The following GALNT13 variants were observed in gnomAD, a reference collection of about 807,000 sequenced individuals.
GALNT13 encodes polypeptide N-acetylgalactosaminyltransferase 13, also known as UDP-GalNAc:polypeptide N-acetylgalactosaminyltransferase 13.
In GALNT13, 28 loss-of-function variants were observed where a neutral mutation model predicts 64.2. The ratio of observed to expected loss-of-function variants is 0.44; its 90% confidence interval spans 0.32 to 0.60. The LOEUF is 0.60. GALNT13 is among the 20% of genes least tolerant of loss of function. The pLI is 0.05. For synonymous variants in GALNT13, 214 were observed against 224.6 expected (o/e 0.95, Z 0.42); for missense variants, 577 against 669.8 (o/e 0.86, Z 1.53).
At chr2:153,442,554 C>T in the GALNT13 span, among the ~76,000 whole-genome samples, 7 of 152,038 alleles carry the variant, frequency 4.6e-5, no homozygotes, top group South Asian at 2.1e-4. Flanking sequence ...TGGTAGAATT[C>T]GGCTGTGAAT....
the GALNT13 span, among the ~76,000 whole-genome samples, chr2:153,227,489 C>T: frequency 0.017 from 2,614 of 152,210 alleles, 80 homozygotes; most frequent in African/African-American, 0.06. Context: ...ACAGCAATCT[C>T]CTAGGCTGAT....
chr2:153,352,741 C>G, the GALNT13 span, among the ~76,000 whole-genome samples: 1 of 152,058 alleles, frequency 6.6e-6, no homozygotes, highest in Non-Finnish European at 1.5e-5. Context: ...TGCCTTTACT[C>G]TGTCAAAGAC....
chr2:153,149,758 A>G, the GALNT13 span, among the ~76,000 whole-genome samples: 1 of 151,748 alleles, frequency 6.6e-6, no homozygotes, highest in African/African-American at 2.4e-5. Context: ...TTTACCTTAT[A>G]TCCTTTAAAT....
chr2:153,293,761 TTGTGTGTGTGTGTGTGTGTGTGTG>T, the GALNT13 span, among the ~76,000 whole-genome samples: 2 of 104,810 alleles, frequency 1.9e-5, no homozygotes, highest in South Asian at 6.2e-4. Context: ...TTTTTTCTGT[TTGTGTGTGTGTGTGTGTGTGTGTG>T]TGTGTGTCTG....
intron 2 of GALNT13, 68 bp from the exon 3 acceptor site, chr2:153,944,326 G>A (rs1033205059): frequency 7.3e-5 from 40 of 545,900 alleles, no homozygotes; most frequent in African/African-American, 7.1e-4. Context: ...TACATTTCAT[G>A]TTATATGTTC....
intron 9 of GALNT13, among the ~76,000 whole-genome samples, chr2:154,340,704 A>T (rs1466554910): frequency 6.6e-6 from 1 of 152,158 alleles, no homozygotes; most frequent in East Asian, 1.9e-4. Flanking sequence ...GACAAAAATA[A>T]ATATGTAAAT....
intron 4 of GALNT13, among the ~76,000 whole-genome samples, chr2:154,194,264 T>C (rs1686759772): frequency 6.6e-6 from 1 of 152,218 alleles, no homozygotes; most frequent in South Asian, 2.1e-4. Context: ...GTTAATCATA[T>C]ACTAACACTG....
the GALNT13 span, chr2:153,478,652 C>T: frequency 4.4e-6 from 5 of 1,129,064 alleles, no homozygotes; most frequent in Non-Finnish European, 6.2e-6. Context: ...GGGCTGAGCG[C>T]TCACTCGCAG....
chr2:154,222,995 C>T (rs1030750801), intron 4 of GALNT13, among the ~76,000 whole-genome samples: 11 of 152,016 alleles, frequency 7.2e-5, no homozygotes, highest in African/African-American at 1.2e-4. Context: ...TCAGAGTTCA[C>T]GTGTAGCAAG....
the GALNT13 span, among the ~76,000 whole-genome samples, chr2:153,743,706 A>C: frequency 6.6e-6 from 1 of 152,142 alleles, no homozygotes; most frequent in Non-Finnish European, 1.5e-5. Context: ...GTTATTCTAA[A>C]ATGTACAATT....
chr2:153,552,149 G>A, the GALNT13 span, among the ~76,000 whole-genome samples: 4 of 152,154 alleles, frequency 2.6e-5, no homozygotes, highest in East Asian at 5.8e-4. Context: ...GACTATTTGT[G>A]GACACTGAAA....
At chr2:154,454,844 A>C (rs1559165747), downstream of GALNT13, among the ~76,000 whole-genome samples, 1 of 152,168 alleles carries the variant, frequency 6.6e-6, no homozygotes, top group Admixed American at 6.6e-5. Flanking sequence ...AAGCCTTTTC[A>C]GTAGTAACTA....
At chr2:153,121,238 C>T in the GALNT13 span, among the ~76,000 whole-genome samples, 4 of 152,272 alleles carry the variant, frequency 2.6e-5, no homozygotes, top group East Asian at 7.7e-4. Context: ...GCACTGTAAC[C>T]AATTAATTTA....
chr2:154,111,692 C>T (rs1018300836), intron 3 of GALNT13, among the ~76,000 whole-genome samples: 6 of 152,112 alleles, frequency 3.9e-5, no homozygotes, highest in African/African-American at 9.7e-5. Context: ...ATTCCTGGAC[C>T]GATGAATCCT....
At chr2:153,516,672 G>A in the GALNT13 span, among the ~76,000 whole-genome samples, 1 of 152,004 alleles carries the variant, frequency 6.6e-6, no homozygotes, top group African/African-American at 2.4e-5. Flanking sequence ...TATAGAGGGA[G>A]AAAGGGAAAA....
the GALNT13 span, among the ~76,000 whole-genome samples, chr2:153,182,500 A>G: frequency 2.0e-5 from 3 of 152,314 alleles, no homozygotes; most frequent in African/African-American, 4.8e-5. Flanking sequence ...GGTTGGTTAC[A>G]TAGGTAAATG....
intron 11 of GALNT13, among the ~76,000 whole-genome samples, chr2:154,417,716 T>C (rs906387846): frequency 9.9e-5 from 15 of 151,770 alleles, no homozygotes; most frequent in African/African-American, 3.6e-4. Flanking sequence ...TTCACCATGT[T>C]GGCCAGGATG....
rs543806705 is a variant in GALNT13 at position 154,268,624 on chromosome 2, C to CAGAG, written c.975+9494_975+9497dup. Among the ~76,000 whole-genome samples, 131 of 151,860 alleles carry CAGAG rather than the reference C, an allele frequency of 8.6e-4. No individual in the cohort carries two copies. The East Asian group carries it at 0.01, about 12-fold the overall frequency. ...TGTTAAGAATTAAAACACACACACA[C>CAGAG]AGAGAGAGAGACAGAGAGAGAGAGA... On this transcript the variant is annotated intron_variant, in intron 8 of 12. Transcript: ENST00000392825.
In GALNT13 at chr2:153,974,964, G is replaced by A. The variant is rs538882618; in HGVS notation, c.142+30325G>A. On this transcript the variant is annotated intron_variant, in intron 3 of 12. Transcript: ENST00000392825. ...TGGGAAACTTTCACAATCTTGATTA[G>A]TGTATTATATGGGTAGCATCATTAG... 3.3e-5 allele frequency among the ~76,000 whole-genome samples: 5 copies of A among 152,128 alleles called. No homozygotes were observed. The South Asian group carries it at 1.0e-3, about 32-fold the overall frequency.
Sources: allele counts gnomAD v4.1 joint callset (sites outside exome capture counted in the v4.1 genomes callset), GRCh38; gene constraint gnomAD v4.1.1; transcripts MANE v1.5; gene names NCBI Gene and HGNC (gene_info 2026-07-23, HGNC 2026-07-21).